EXOC6: variants seen among roughly 807,000 people sequenced by gnomAD.
The protein encoded by EXOC6 is SEC15-like 1.
EXOC6 carries 60 observed loss-of-function variants against 112.5 expected under a neutral mutation model. The ratio of observed to expected loss-of-function variants is 0.53; its 90% CI spans 0.43 to 0.66. EXOC6 has a LOEUF of 0.66. EXOC6 is among the 30% of genes least tolerant of loss of function. The probability of loss-of-function intolerance (pLI) is 0.00; values close to 1 mark genes in which losing one functional copy is unlikely to be tolerated. For missense variants in EXOC6, 855 were observed against 957.1 expected (o/e 0.89, Z 1.41); for synonymous variants, 295 against 308.0 (o/e 0.96, Z 0.44).
At chr10:92,958,002 T>TA (rs1265827971) in intron 17 of EXOC6, among the ~76,000 whole-genome samples, 1 of 152,196 alleles carries the variant, frequency 6.6e-6, no homozygotes, top group African/African-American at 2.4e-5. Context: ...AAGTACTTGA[T>TA]ACCTATACCT....
At chr10:92,908,807 G>C (rs561719220) in intron 5 of EXOC6, among the ~76,000 whole-genome samples, 1 of 152,054 alleles carries the variant, frequency 6.6e-6, no homozygotes, top group Non-Finnish European at 1.5e-5. Context: ...ATGTCACACT[G>C]TGAAACAGTA....
chr10:92,913,041 T>C (rs1375588269), intron 6 of EXOC6, among the ~76,000 whole-genome samples: 3 of 152,214 alleles, frequency 2.0e-5, no homozygotes, highest in East Asian at 3.9e-4. Context: ...TTTGGCTCAT[T>C]CTGGCAGTCC....
chr10:92,943,704 G>A lies in EXOC6; in HGVS notation c.1310+2880G>A, dbSNP rs1369222192. Among the ~76,000 whole-genome samples the A allele has an allele frequency of 4.9e-5, 7 of 141,518 alleles. No individual in the cohort carries two copies. The East Asian group carries it at 7.8e-4, about 16-fold the overall frequency. The allele number at this position is 141,518 out of a possible 152,430, so 92.8% of individuals were successfully genotyped here. ...CAAATTAACATATCCATCACCTCACGTACTTATTTTTTTTTTTTAGTGGTG... is the reference window on the plus strand; with the variant it reads ...CAAATTAACATATCCATCACCTCACATACTTATTTTTTTTTTTTAGTGGTG... On this transcript the variant is annotated intron_variant, in intron 13 of 21. Coordinates refer to ENST00000260762, the MANE Select transcript of EXOC6 (RefSeq NM_019053.6).
chr10:92,910,671 C>G (rs1420982804), intron 6 of EXOC6, among the ~76,000 whole-genome samples: 2 of 152,106 alleles, frequency 1.3e-5, no homozygotes, highest in African/African-American at 4.8e-5. Context: ...TGGCTCACAC[C>G]TGTAATCCCA....
chr10:92,964,309 A>G (rs2134051621), intron 17 of EXOC6, among the ~76,000 whole-genome samples: 1 of 152,088 alleles, frequency 6.6e-6, no homozygotes, highest in Non-Finnish European at 1.5e-5. Flanking sequence ...CATTATAACT[A>G]AATACTATTA....
chr10:92,922,096 C>A (rs1181493392), intron 8 of EXOC6, among the ~76,000 whole-genome samples: 1 of 152,048 alleles, frequency 6.6e-6, no homozygotes, highest in Non-Finnish European at 1.5e-5. Context: ...CAGGCGCCTG[C>A]CACCACGCCT....
intron 20 of EXOC6, among the ~76,000 whole-genome samples, chr10:93,022,750 CTG>C (rs1844842286): frequency 6.6e-6 from 1 of 151,760 alleles, no homozygotes; most frequent in East Asian, 1.9e-4. Flanking sequence ...AAAAATAAAA[CTG>C]GTCTTGAAAA....
chr10:93,006,127 T>G (rs1289924646), intron 19 of EXOC6, among the ~76,000 whole-genome samples: 1 of 150,694 alleles, frequency 6.6e-6, no homozygotes, highest in Non-Finnish European at 1.5e-5. Flanking sequence ...GCCACTGTAC[T>G]CCCGCCTGGG....
intron 15 of EXOC6, among the ~76,000 whole-genome samples, chr10:92,952,899 G>A (rs1853499814): frequency 6.6e-6 from 1 of 152,084 alleles, no homozygotes; most frequent in South Asian, 2.1e-4. Context: ...TAGAGGCCAG[G>A]GGTGCTGCCA....
At chr10:92,961,013 G>A (rs994231894) in intron 17 of EXOC6, among the ~76,000 whole-genome samples, 8 of 152,174 alleles carry the variant, frequency 5.3e-5, no homozygotes, top group African/African-American at 1.9e-4. Context: ...AGATGTTATG[G>A]TATGGGTAAA....
At chr10:92,903,167 T>A (rs1850264687) in intron 5 of EXOC6, among the ~76,000 whole-genome samples, 1 of 151,988 alleles carries the variant, frequency 6.6e-6, no homozygotes. Context: ...AAATATAATT[T>A]AAAAAATAAT....
intron 20 of EXOC6, among the ~76,000 whole-genome samples, chr10:93,018,752 A>G (rs963739136): frequency 1.3e-5 from 2 of 152,156 alleles, no homozygotes; most frequent in African/African-American, 4.8e-5. Flanking sequence ...ATACTTTAAA[A>G]AGAAAAATTA....
At chr10:92,911,922 T>TG (rs1446630640) in intron 6 of EXOC6, among the ~76,000 whole-genome samples, 19 of 129,944 alleles carry the variant, frequency 1.5e-4, no homozygotes, top group African/African-American at 5.1e-4. Flanking sequence ...TCTCTCTCTC[T>TG]CTCTCTCTCT....
At chr10:92,844,083 G>A (rs575492587), upstream of EXOC6, among the ~76,000 whole-genome samples, 8 of 151,126 alleles carry the variant, frequency 5.3e-5, no homozygotes, top group African/African-American at 1.2e-4. Context: ...CTTGGAGGGC[G>A]GAGGTTGCAG....
chr10:92,848,451 C>T (rs1199139792), upstream of EXOC6: 7 of 1,088,944 alleles, frequency 6.4e-6, 1 homozygote. Context: ...CCCGCCCCGC[C>T]CCTTCGCGCT....
intron 8 of EXOC6, among the ~76,000 whole-genome samples, chr10:92,921,509 A>G (rs1851442725): frequency 6.6e-6 from 1 of 151,854 alleles, no homozygotes; most frequent in Admixed American, 6.6e-5. Flanking sequence ...CGGCCTCCCA[A>G]AGTGCTGGGG....
At chr10:92,948,211 G>A in intron 13 of EXOC6, 63 bp from the exon 14 acceptor site, 1 of 1,064,374 alleles carries the variant, frequency 9.4e-7, no homozygotes, top group Admixed American at 2.5e-5. Context: ...TTAAGGTATT[G>A]TCTTTTAGTA....
At chr10:92,986,236 T>C (rs1366514648) in intron 18 of EXOC6, among the ~76,000 whole-genome samples, 1 of 152,188 alleles carries the variant, frequency 6.6e-6, no homozygotes, top group Non-Finnish European at 1.5e-5. Flanking sequence ...GGCCTTTATA[T>C]CTCCTAAGAC....
chr10:92,857,594 T>A (rs1283573910), intron 1 of EXOC6, among the ~76,000 whole-genome samples: 1 of 152,258 alleles, frequency 6.6e-6, no homozygotes, highest in African/African-American at 2.4e-5. Flanking sequence ...TGCTCCCACA[T>A]ACATCCTTTG....
Sources: allele counts gnomAD v4.1 joint callset (sites outside exome capture counted in the v4.1 genomes callset), GRCh38; gene constraint gnomAD v4.1.1; transcripts MANE v1.5; gene names NCBI Gene and HGNC (gene_info 2026-07-23, HGNC 2026-07-21).